ZC3H12B: variants seen among roughly 807,000 people sequenced by gnomAD.
ZC3H12B encodes probable ribonuclease ZC3H12B.
In ZC3H12B, 7 loss-of-function variants were observed where a neutral mutation model predicts 43.9. The observed-to-expected ratio is 0.16, with a 90% CI of 0.09 to 0.30. The LOEUF (loss-of-function observed/expected upper bound fraction) is 0.30, where lower values mean the gene tolerates loss of function less well. Ranked by LOEUF, ZC3H12B falls within the 10% of genes least tolerant of loss-of-function variation. ZC3H12B has a pLI of 1.00. For synonymous variants in ZC3H12B, 222 were observed against 241.7 expected (o/e 0.92, Z 0.76); for missense variants, 475 against 670.2 (o/e 0.71, Z 3.22).
chrX:65,153,132 A>T, the ZC3H12B span, among the ~76,000 whole-genome samples: 1 of 112,335 alleles, frequency 8.9e-6, no homozygotes, highest in Admixed American at 9.4e-5. Context: ...TAAAAACCCT[A>T]GAAGAAAACT....
At chrX:65,158,322 G>T in the ZC3H12B span, among the ~76,000 whole-genome samples, 1 of 111,390 alleles carries the variant, frequency 9.0e-6, no homozygotes, top group Non-Finnish European at 1.9e-5. Flanking sequence ...GGTATTTCTA[G>T]TTGTAGATCC....
chrX:65,232,569 G>T, the ZC3H12B span, among the ~76,000 whole-genome samples: 1 of 111,348 alleles, frequency 9.0e-6, no homozygotes, highest in Non-Finnish European at 1.9e-5. Flanking sequence ...AAGCCTCATG[G>T]TATTCACAAA....
At chrX:65,216,020 A>G in the ZC3H12B span, among the ~76,000 whole-genome samples, 1 of 111,845 alleles carries the variant, frequency 8.9e-6, no homozygotes, top group Non-Finnish European at 1.9e-5. Flanking sequence ...TAGCACCCAT[A>G]TAATTGTTAC....
chrX:65,244,574 G>T, the ZC3H12B span, among the ~76,000 whole-genome samples: 1 of 108,173 alleles, frequency 9.2e-6, no homozygotes, highest in Non-Finnish European at 1.9e-5. Context: ...GGTTCTGTTT[G>T]TACAAGAAAA....
chrX:65,261,656 C>G, the ZC3H12B span, among the ~76,000 whole-genome samples: 5 of 110,437 alleles, frequency 4.5e-5, no homozygotes, highest in Non-Finnish European at 9.5e-5. Flanking sequence ...CCTATCACAT[C>G]AAACCCATAA....
At chrX:65,257,068 A>T in the ZC3H12B span, among the ~76,000 whole-genome samples, 2 of 112,224 alleles carry the variant, frequency 1.8e-5, no homozygotes, top group Non-Finnish European at 3.8e-5. Flanking sequence ...ATCTAGAACT[A>T]GAAATACCAT....
chrX:65,069,651 A>G, the ZC3H12B span, among the ~76,000 whole-genome samples: 1 of 111,859 alleles, frequency 8.9e-6, no homozygotes, highest in East Asian at 2.8e-4. Context: ...GAGAGTTTTT[A>G]ACATGAAGCA....
chrX:65,189,065 C>T, the ZC3H12B span, among the ~76,000 whole-genome samples: 498 of 100,487 alleles, frequency 5.0e-3, no homozygotes, highest in Non-Finnish European at 7.5e-3. Context: ...TTTGTTCTTG[C>T]GATAGTTTAC....
At chrX:65,153,722 A>T in the ZC3H12B span, among the ~76,000 whole-genome samples, 2 of 111,755 alleles carry the variant, frequency 1.8e-5, no homozygotes, top group African/African-American at 6.6e-5. Context: ...CATCCATCCC[A>T]TTACTGGGTA....
chrX:65,133,359 A>G, the ZC3H12B span, among the ~76,000 whole-genome samples: 1 of 110,036 alleles, frequency 9.1e-6, no homozygotes, highest in African/African-American at 3.3e-5. Context: ...TGGATTGGGT[A>G]ATAAAATGCA....
At chrX:65,113,610 A>G in the ZC3H12B span, among the ~76,000 whole-genome samples, 1 of 110,115 alleles carries the variant, frequency 9.1e-6, no homozygotes, top group Non-Finnish European at 1.9e-5. Context: ...CTAGAGAGAA[A>G]TCTTGCATGA....
chrX:65,203,864 A>C, the ZC3H12B span, among the ~76,000 whole-genome samples: 1 of 111,574 alleles, frequency 9.0e-6, no homozygotes, highest in Non-Finnish European at 1.9e-5. Flanking sequence ...AGGACCATAG[A>C]GCACTGTAGC....
chrX:65,432,484 T>A (rs1297618877), intron 3 of ZC3H12B, among the ~76,000 whole-genome samples: 2 of 111,935 alleles, frequency 1.8e-5, no homozygotes, highest in African/African-American at 6.5e-5. Context: ...CACCTTTGCA[T>A]CTGCCATATA....
the ZC3H12B span, among the ~76,000 whole-genome samples, chrX:65,155,705 A>C: frequency 9.0e-6 from 1 of 110,630 alleles, no homozygotes; most frequent in African/African-American, 3.3e-5. Flanking sequence ...AATAAAAATA[A>C]AAAAATTAGC....
chrX:65,331,516 G>T, the ZC3H12B span, among the ~76,000 whole-genome samples: 1 of 109,759 alleles, frequency 9.1e-6, no homozygotes, highest in East Asian at 2.8e-4. Context: ...TAGTCTAAGG[G>T]TACAAAGCCT....
chrX:65,060,533 C>T, the ZC3H12B span, among the ~76,000 whole-genome samples: 8 of 112,082 alleles, frequency 7.1e-5, no homozygotes, highest in African/African-American at 1.9e-4. Flanking sequence ...ACCATCCTTG[C>T]GTCACAGGGA....
At chrX:65,460,062 T>C (rs2067712940) in intron 3 of ZC3H12B, among the ~76,000 whole-genome samples, 1 of 111,590 alleles carries the variant, frequency 9.0e-6, no homozygotes, top group Non-Finnish European at 1.9e-5. Flanking sequence ...TATACACTAA[T>C]AACAGACAAA....
At chrX:65,182,704 T>C in the ZC3H12B span, among the ~76,000 whole-genome samples, 1 of 108,556 alleles carries the variant, frequency 9.2e-6, no homozygotes. Context: ...TTTAAGGAAC[T>C]TTGTCAGTTT....
chrX:65,212,145 A>T, the ZC3H12B span, among the ~76,000 whole-genome samples: 2 of 53,893 alleles, frequency 3.7e-5, no homozygotes, highest in Non-Finnish European at 3.0e-5. Context: ...ATATTATATT[A>T]ACATTATATT....
Sources: gnomAD v4.1 joint callset for allele counts (sites outside exome capture counted in the v4.1 genomes callset) on GRCh38, gnomAD v4.1.1 for gene constraint, MANE v1.5 for transcripts, NCBI Gene and HGNC (gene_info 2026-07-23, HGNC 2026-07-21) for gene names.